NEK6: variants seen among roughly 807,000 people sequenced by gnomAD.
The protein encoded by NEK6 is NIMA related kinase 6, also known as serine/threonine-protein kinase Nek6.
A neutral mutation model predicts 43.5 loss-of-function variants in NEK6; 27 were observed. That is an observed-to-expected ratio of 0.62 (90% confidence interval 0.46 to 0.86). NEK6 has a LOEUF of 0.86. Ranked by LOEUF, NEK6 falls within the 40% of genes least tolerant of loss-of-function variation. The pLI is 0.00. For synonymous variants in NEK6, 167 were observed against 164.1 expected (o/e 1.02, Z -0.14); for missense variants, 318 against 414.4 (o/e 0.77, Z 2.02).
At position 124,327,465 on chromosome 9, in the gene NEK6, G is replaced by A; in HGVS notation, c.622+20G>A. On this transcript the variant is annotated intron_variant, in intron 7 of 9. Coordinates refer to ENST00000320246, the MANE Select transcript of NEK6 (RefSeq NM_014397.6). ...CCCTAGGTAAGGGGGACCTGTCTGT[G>A]CCCCAGCAGCCCCCAGCGGTCCTGG... 6.4e-7 allele frequency: 1 copy of A among 1,572,394 alleles called. No homozygotes were observed. The highest frequency in any genetic ancestry group is 8.7e-7 in the Non-Finnish European group (1 of 1,145,072).
chr9:124,327,379 G>T lies in NEK6; in HGVS notation c.556G>T (p.Val186Leu). 3 of 1,613,828 alleles carry T rather than the reference G, an allele frequency of 1.9e-6. No individual in the cohort carries two copies. The highest frequency in any genetic ancestry group is 2.2e-5 in the East Asian group (1 of 44,888). The change falls in exon 7 of 10, where the codon GTG becomes TTG. Residue 186 changes from valine to leucine, a missense_variant. By Grantham distance (32) the Val-to-Leu change is conservative. Transcript: ENST00000320246. ...ANVFITATGV[V>L]KLGDLGLGRF... ...CGTGTTCATCACAGCCACGGGCGTC[G>T]TGAAGCTCGGTGACCTTGGTCTGGG...
At chr9:124,347,481 G>A (rs912724956) in intron 8 of NEK6, among the ~76,000 whole-genome samples, 34 of 152,230 alleles carry the variant, frequency 2.2e-4, no homozygotes, top group African/African-American at 8.0e-4. Context: ...TTTTGTCACC[G>A]AAACCCTCGT....
At chr9:124,325,557 C>A (rs1834292153) in intron 5 of NEK6, among the ~76,000 whole-genome samples, 1 of 152,254 alleles carries the variant, frequency 6.6e-6, no homozygotes, top group African/African-American at 2.4e-5. Flanking sequence ...AGAAGTCCTG[C>A]CCCACAGGCA....
chr9:124,311,830 T>C (rs1315407089), intron 2 of NEK6, among the ~76,000 whole-genome samples: 1 of 152,180 alleles, frequency 6.6e-6, no homozygotes, highest in Non-Finnish European at 1.5e-5. Context: ...GCTGGAATTA[T>C]AGGCATGGGC....
At position 124,351,997 on chromosome 9, in the gene NEK6, A is replaced by G. The variant is rs886859861; in HGVS notation, c.*1050A>G. The G allele has an allele frequency of 1.3e-5, 2 of 152,644 alleles. No individual in the cohort carries two copies. Among genetic ancestry groups the G allele is most frequent in the African/African-American group, 4.8e-5 (2 of 41,474 alleles). 9.5% of individuals were successfully genotyped at this position (152,644 alleles called of 1,614,324 possible). A position where few individuals can be genotyped will look rare whatever the true frequency, so the allele number is the denominator to read the frequency against. The stretch of plus-strand genomic sequence containing the variant: ...TCGAGAATTAATGTACACCTGTATC[A>G]TGTGTAGGAAACCAGAAATGTGTTC... On this transcript the variant is annotated 3_prime_UTR_variant, in exon 10 of 10. Coordinates refer to ENST00000320246, the MANE Select transcript of NEK6 (RefSeq NM_014397.6).
chr9:124,258,307 C>G (rs1333438389), intron 1 of NEK6: 1 of 985,114 alleles, frequency 1.0e-6, no homozygotes, highest in African/African-American at 1.7e-5. Flanking sequence ...CCGGGGTGTG[C>G]GCGTCCCCGG....
chr9:124,278,284 G>A (rs1051804119), intron 1 of NEK6, among the ~76,000 whole-genome samples: 4 of 152,194 alleles, frequency 2.6e-5, no homozygotes, highest in Non-Finnish European at 2.9e-5. Context: ...AAATCGCCTC[G>A]TCATGCATTT....
intron 7 of NEK6, 29 bp downstream of exon 7, chr9:124,327,474 G>T: frequency 6.5e-7 from 1 of 1,550,110 alleles, no homozygotes; most frequent in Non-Finnish European, 8.9e-7. Flanking sequence ...TGCCCCAGCA[G>T]CCCCCAGCGG....
chr9:124,321,528 C>T lies in NEK6; in HGVS notation c.364C>T (p.Leu122=), dbSNP rs1176582430. The T allele has an allele frequency of 2.5e-6, 4 of 1,613,912 alleles. No individual in the cohort carries two copies. In the African/African-American group the frequency reaches 5.3e-5, roughly 22 times the overall value. The change falls in exon 5 of 10, where the codon CTG becomes TTG. Residue 122 remains leucine (L), a synonymous_variant. Transcript: ENST00000320246. ...CGAAGACAACGAGCTGAACATTGTGCTGGAGTTGGCTGACGCAGGGGACCT... is the reference window on the plus strand; with the variant it reads ...CGAAGACAACGAGCTGAACATTGTGTTGGAGTTGGCTGACGCAGGGGACCT... ...FIEDNELNIV[L]ELADAGDLSQ...
chr9:124,281,837 C>T (rs1831927131), intron 1 of NEK6, among the ~76,000 whole-genome samples: 1 of 152,146 alleles, frequency 6.6e-6, no homozygotes, highest in African/African-American at 2.4e-5. Flanking sequence ...ACTAGGTGGA[C>T]GTTTTATTTT....
intron 1 of NEK6, among the ~76,000 whole-genome samples, chr9:124,267,867 C>T (rs934791238): frequency 6.6e-6 from 1 of 152,194 alleles, no homozygotes; most frequent in Non-Finnish European, 1.5e-5. Flanking sequence ...ACCTTTCACT[C>T]GCACAGACCT....
chr9:124,308,183 G>A (rs1833355373), intron 2 of NEK6, among the ~76,000 whole-genome samples: 1 of 152,224 alleles, frequency 6.6e-6, no homozygotes, highest in Non-Finnish European at 1.5e-5. Flanking sequence ...CTGGGAAGTG[G>A]CAGAATTGAG....
chr9:124,260,912 G>A (rs937141603), intron 1 of NEK6, among the ~76,000 whole-genome samples: 6 of 152,230 alleles, frequency 3.9e-5, no homozygotes, highest in South Asian at 4.1e-4. Flanking sequence ...AGAGCCCATG[G>A]TCTCCCCACT....
chr9:124,327,391 G>A lies in NEK6; in HGVS notation c.568G>A (p.Asp190Asn). Residue 190 changes from aspartate to asparagine, a missense_variant, in exon 7 of 10, where the codon GAC becomes AAC. By Grantham distance (23) the Asp-to-Asn change is conservative (BLOSUM62 1). This residue lies in a region of NEK6 where 239 missense variants were observed against 344.4 expected (regional missense o/e 0.69). Transcript: ENST00000320246. ...ITATGVVKLG[D>N]LGLGRFFSSE... ...AGCCACGGGCGTCGTGAAGCTCGGT[G>A]ACCTTGGTCTGGGCCGCTTCTTCAG... 1 of 1,613,806 alleles carries A rather than the reference G, an allele frequency of 6.2e-7. No homozygotes were observed. The highest frequency in any genetic ancestry group is 8.5e-7 in the Non-Finnish European group (1 of 1,180,010).
Position 124,326,284 on chromosome 9 carries a change from G to A in NEK6, c.406-46G>A. 7.4e-7 allele frequency: 1 copy of A among 1,351,444 alleles called. No homozygotes were observed. The allele number at this position is 1,351,444 out of a possible 1,614,324, so 83.7% of individuals were successfully genotyped here. ...GTGCCCTGTGGCCACCCACCTCCAAGCCCGCTCACCCGGGCCTATCCCTCT... is the reference window on the plus strand; with the variant it reads ...GTGCCCTGTGGCCACCCACCTCCAAACCCGCTCACCCGGGCCTATCCCTCT... On this transcript the variant is annotated intron_variant, in intron 5 of 9. Transcript: ENST00000320246. This position sits in a 1 kb window ranked among gnomAD's most constrained non-coding sequence, Gnocchi z 4.5.
chr9:124,311,524 G>A (rs1461847702), intron 2 of NEK6, among the ~76,000 whole-genome samples: 2 of 152,166 alleles, frequency 1.3e-5, no homozygotes, highest in Non-Finnish European at 2.9e-5. Flanking sequence ...GTGTCCTGGG[G>A]TCCTCCTGGC....
intron 1 of NEK6, chr9:124,292,475 G>C: frequency 6.5e-7 from 1 of 1,537,070 alleles, no homozygotes; most frequent in Non-Finnish European, 8.7e-7. Context: ...GAGGCCACGG[G>C]CTTGAAAGCT....
chr9:124,268,645 G>A (rs905973447), intron 1 of NEK6, among the ~76,000 whole-genome samples: 6 of 152,126 alleles, frequency 3.9e-5, no homozygotes, highest in South Asian at 2.1e-4. Flanking sequence ...ACGTGGTGAC[G>A]TCCCCAGAAT....
intron 9 of NEK6, 62 bp downstream of exon 9, chr9:124,347,884 C>A (rs749350562): frequency 1.1e-6 from 1 of 932,338 alleles, no homozygotes. Context: ...TTATGAGGGC[C>A]GCTCCAAAAC....
Sources: gnomAD v4.1 joint callset for allele counts (sites outside exome capture counted in the v4.1 genomes callset) on GRCh38, gnomAD v4.1.1 for gene constraint, gnomAD v4.1.1 regional missense constraint, Gnocchi (gnomAD v3.1) non-coding constraint, MANE v1.5 for transcripts, NCBI Gene and HGNC (gene_info 2026-07-23, HGNC 2026-07-21) for gene names.